The following GLS variants were observed in gnomAD, a reference collection of about 807,000 sequenced individuals.
The protein encoded by GLS is glutaminase.
In GLS, 36 loss-of-function variants were observed where a neutral mutation model predicts 86.7. That is an observed-to-expected ratio of 0.42 (90% CI 0.32 to 0.55). GLS has a LOEUF of 0.55. Ranked by LOEUF, GLS falls within the 20% of genes least tolerant of loss-of-function variation. The probability of loss-of-function intolerance (pLI) is 0.17; values close to 1 mark genes in which losing one functional copy is unlikely to be tolerated. For missense variants in GLS, 528 were observed against 833.4 expected (o/e 0.63, Z 4.51); for synonymous variants, 317 against 305.9 (o/e 1.04, Z -0.38).
intron 17 of GLS, among the ~76,000 whole-genome samples, chr2:190,958,942 G>A (rs538994279): frequency 6.6e-6 from 1 of 152,194 alleles, no homozygotes; most frequent in South Asian, 2.1e-4. Flanking sequence ...GGTCTGCTTG[G>A]TCCAGAGCTG....
rs759017416 is a variant in GLS, at chr2:190,949,079, C to A, written c.1651-4486C>A. On this transcript the variant is annotated intron_variant, in intron 14 of 17. Transcript: ENST00000320717. This position sits in a 1 kb window ranked among gnomAD's most constrained non-coding sequence, Gnocchi z 4.0. ...GGAAGGGAAGGATTTGATTAGGAATCTGGGTGTTCTTAAGAGCATAGACAC... is the reference window on the plus strand; with the variant it reads ...GGAAGGGAAGGATTTGATTAGGAATATGGGTGTTCTTAAGAGCATAGACAC... Among the ~76,000 whole-genome samples the A allele has an allele frequency of 2.0e-5, 3 of 151,646 alleles. No homozygotes were observed. The highest frequency in any genetic ancestry group is 7.3e-5 in the African/African-American group (3 of 40,998).
rs1165898949 is a variant in GLS at position 190,955,809 on chromosome 2, TC to T, written c.1853+992del. Among the ~76,000 whole-genome samples, 18 of 152,330 alleles carry T rather than the reference TC, an allele frequency of 1.2e-4. No homozygotes were observed. Among genetic ancestry groups the T allele is most frequent in the African/African-American group, 4.1e-4 (17 of 41,588 alleles). On this transcript the variant is annotated intron_variant, in intron 17 of 17. Coordinates refer to ENST00000320717, the MANE Select transcript of GLS (RefSeq NM_014905.5). This position sits in a 1 kb window ranked among gnomAD's most constrained non-coding sequence, Gnocchi z 5.6. ...GCATCTATTGTTTCCTTTTTAGTGA[TC>T]GCCATTCTAACTGGTGTGAGATGGT... is the stretch of plus-strand genomic sequence containing the variant.
At chr2:190,915,842 T>C (rs1470447187) in intron 7 of GLS, among the ~76,000 whole-genome samples, 2 of 152,216 alleles carry the variant, frequency 1.3e-5, no homozygotes, top group Admixed American at 6.5e-5. Flanking sequence ...AGTCCTGTTA[T>C]ATACTAGGTT....
Position 190,964,258 on chromosome 2 carries a change from G to A in GLS, c.*1272G>A, listed in dbSNP as rs1691069653. On this transcript the variant is annotated 3_prime_UTR_variant, in exon 18 of 18. Transcript: ENST00000320717. This position sits in a 1 kb window ranked among gnomAD's most constrained non-coding sequence, Gnocchi z 5.2. ...ACGGATAGAACAGGATTTTCTAGGA[G>A]TTACACATACATTTTATCCTGTCAT... The A allele has an allele frequency of 6.6e-6, 1 of 152,092 alleles. No individual in the cohort carries two copies. Among genetic ancestry groups the A allele is most frequent in the African/African-American group, 2.4e-5 (1 of 41,410 alleles). 9.4% of individuals were successfully genotyped at this position (152,092 alleles called of 1,614,324 possible). A position where few individuals can be genotyped will look rare whatever the true frequency, so the allele number is the denominator to read the frequency against.
At chr2:190,893,061 C>T (rs1163499636) in intron 1 of GLS, among the ~76,000 whole-genome samples, 2 of 152,104 alleles carry the variant, frequency 1.3e-5, no homozygotes, top group Non-Finnish European at 2.9e-5. Context: ...GACAAACTAC[C>T]ACTATCTGAA....
At chr2:190,910,646 G>A (rs370484079) in intron 7 of GLS, among the ~76,000 whole-genome samples, 1 of 143,728 alleles carries the variant, frequency 7.0e-6, no homozygotes, top group Non-Finnish European at 1.5e-5. Flanking sequence ...TTTTCCTTTC[G>A]TTTCCTTTTG....
intron 1 of GLS, 167 bp downstream of exon 1, chr2:190,881,637 C>A (rs960333370): frequency 6.6e-6 from 4 of 604,214 alleles, no homozygotes; most frequent in Middle Eastern, 4.8e-4. Context: ...GGCCCGGCCC[C>A]GCCCGCGCCT....
chr2:190,960,669 C>G (rs530980658), intron 17 of GLS, among the ~76,000 whole-genome samples: 1 of 152,178 alleles, frequency 6.6e-6, no homozygotes, highest in Admixed American at 6.5e-5. Context: ...AGCCATTGAG[C>G]CTGGCCAACT....
intron 14 of GLS, among the ~76,000 whole-genome samples, chr2:190,946,670 C>G (rs544012944): frequency 1.3e-5 from 2 of 151,974 alleles, no homozygotes; most frequent in Non-Finnish European, 2.9e-5. Context: ...ATTTTTCCTC[C>G]GTCTCTCCCT....
intron 12 of GLS, among the ~76,000 whole-genome samples, chr2:190,928,145 C>T (rs931239770): frequency 4.6e-5 from 7 of 151,780 alleles, no homozygotes; most frequent in Non-Finnish European, 1.0e-4. Context: ...TTCCCCTATC[C>T]TTGTCATATT....
At chr2:190,893,627 C>A (rs1688635363) in intron 1 of GLS, among the ~76,000 whole-genome samples, 1 of 152,090 alleles carries the variant, frequency 6.6e-6, no homozygotes. Flanking sequence ...GCTCTGTTAC[C>A]CACTCTGGAG....
Position 190,923,791 on chromosome 2 carries a change from G to C in GLS, c.1131-126G>C. The C allele has an allele frequency of 2.2e-5, 14 of 647,738 alleles. No individual in the cohort carries two copies. The South Asian group carries it at 2.7e-4, about 13-fold the overall frequency. The allele number at this position is 647,738 out of a possible 1,614,324, so 40.1% of individuals were successfully genotyped here. ...AATAGCCTATTGACAGAATTGATTG[G>C]AACTCTGTAGTCCTGAATCTTAGTT... On this transcript the variant is annotated intron_variant, in intron 9 of 17. Transcript: ENST00000320717.
At chr2:190,918,546 C>G (rs1266462852) in intron 7 of GLS, among the ~76,000 whole-genome samples, 4 of 151,994 alleles carry the variant, frequency 2.6e-5, no homozygotes, top group Non-Finnish European at 5.9e-5. Flanking sequence ...CTCCATGTTA[C>G]CGGTTATGCT....
Position 190,920,119 on chromosome 2 carries a change from T to C in GLS, c.1039-905T>C, listed in dbSNP as rs543304817. On this transcript the variant is annotated intron_variant, in intron 7 of 17. Transcript: ENST00000320717. The surrounding 1 kb of genome is among the most constrained non-coding windows in gnomAD (Gnocchi z 4.2). ...AAAAGAAAATATGTTTTAAAAACTT[T>C]AGTTGTCAAATTATTTTATTTTAAG... The C allele has an allele frequency of 6.6e-5, 10 of 152,058 alleles. No homozygotes were observed. In the South Asian group the frequency reaches 1.4e-3, roughly 22 times the overall value. The allele number at this position is 152,058 out of a possible 1,614,324, so 9.4% of individuals were successfully genotyped here. A position where few individuals can be genotyped will look rare whatever the true frequency, so the allele number is the denominator to read the frequency against.
At position 190,895,727 on chromosome 2, in the gene GLS, TAA is replaced by T; in HGVS notation, c.605+5_605+6del. 1 of 1,568,964 alleles carries T rather than the reference TAA, an allele frequency of 6.4e-7. No homozygotes were observed. The highest frequency in any genetic ancestry group is 8.7e-7 in the Non-Finnish European group (1 of 1,150,962). On this transcript the variant is annotated splice_donor_region_variant and intron_variant, in intron 3 of 17. Transcript: ENST00000320717. The surrounding 1 kb of genome is among the most constrained non-coding windows in gnomAD (Gnocchi z 4.2). The stretch of plus-strand genomic sequence containing the variant: ...GCTAGACAAAGATCTTTTTAAAAAG[TAA>T]AAGTTTCTGCCAAACCTTTAATGGT...
At chr2:190,919,213 G>A (rs186596000) in intron 7 of GLS, among the ~76,000 whole-genome samples, 53 of 152,210 alleles carry the variant, frequency 3.5e-4, no homozygotes, top group South Asian at 6.2e-4. Context: ...TACATAATCT[G>A]TCTAGAGAAT....
chr2:190,895,026 A>G lies in GLS; in HGVS notation c.387-126A>G, dbSNP rs1047978769. ...TTTTGGTAAATCAACATTTATTATG[A>G]CTGTAGTCTTGAGTATATGAGCTCA... is the stretch of plus-strand genomic sequence containing the variant. On this transcript the variant is annotated intron_variant, in intron 1 of 17. Transcript: ENST00000320717. This position sits in a 1 kb window ranked among gnomAD's most constrained non-coding sequence, Gnocchi z 4.2. The G allele has an allele frequency of 2.2e-5, 11 of 494,466 alleles. No individual in the cohort carries two copies. Among genetic ancestry groups the G allele is most frequent in the Non-Finnish European group, 4.1e-5 (11 of 267,350 alleles). 30.6% of individuals were successfully genotyped at this position (494,466 alleles called of 1,614,324 possible).
At chr2:190,910,080 C>CA (rs1374019210) in intron 6 of GLS, among the ~76,000 whole-genome samples, 183 bp from the exon 7 acceptor site, 1 of 151,996 alleles carries the variant, frequency 6.6e-6, no homozygotes, top group Non-Finnish European at 1.5e-5. Context: ...CTATGTAAAT[C>CA]ACTTGTTTGT....
chr2:190,946,285 A>G (rs1690575242), intron 14 of GLS, among the ~76,000 whole-genome samples: 2 of 152,212 alleles, frequency 1.3e-5, no homozygotes, highest in East Asian at 1.9e-4. Flanking sequence ...AAGAAAATAT[A>G]AAAGCAGGCT....
Sources: allele counts gnomAD v4.1 joint callset (sites outside exome capture counted in the v4.1 genomes callset), GRCh38; gene constraint gnomAD v4.1.1; non-coding constraint Gnocchi (gnomAD v3.1); transcripts MANE v1.5; gene names NCBI Gene and HGNC (gene_info 2026-07-23, HGNC 2026-07-21).